The following GK variants were observed in gnomAD, a reference collection of about 807,000 sequenced individuals.
The protein encoded by GK is ATP:glycerol 3-phosphotransferase.
A neutral mutation model predicts 56.4 loss-of-function variants in GK; 9 were observed. That is an observed-to-expected ratio of 0.16 (90% CI 0.10 to 0.28). The LOEUF (loss-of-function observed/expected upper bound fraction) is 0.28, where lower values mean the gene tolerates loss of function less well. GK is among the 10% of genes least tolerant of loss of function. The pLI, the probability that GK is intolerant of heterozygous loss-of-function variation, is 1.00. For missense variants in GK, 161 were observed against 431.4 expected (o/e 0.37, Z 5.55); for synonymous variants, 104 against 144.1 (o/e 0.72, Z 1.99).
intron 4 of GK, among the ~76,000 whole-genome samples, chrX:30,685,091 A>G (rs1396395731): frequency 8.9e-6 from 1 of 111,978 alleles, no homozygotes; most frequent in Non-Finnish European, 1.9e-5. Context: ...TAAAACGCCT[A>G]AGCACACTTA....
intron 18 of GK, among the ~76,000 whole-genome samples, chrX:30,723,475 C>G (rs995274934): frequency 1.8e-5 from 2 of 111,233 alleles, no homozygotes; most frequent in Non-Finnish European, 3.8e-5. Flanking sequence ...CCTTTCCCCC[C>G]AAAAAGAAGA....
At chrX:30,719,237 A>G (rs1936775653) in intron 14 of GK, among the ~76,000 whole-genome samples, 182 bp from the exon 15 acceptor site, 1 of 111,652 alleles carries the variant, frequency 9.0e-6, no homozygotes, top group African/African-American at 3.2e-5. Flanking sequence ...GGGGTATTTA[A>G]TGTGAGAGAA....
Position 30,696,644 on chromosome X carries a change from T to A in GK, c.690T>A (p.Leu230=), listed in dbSNP as rs1188946631. Residue 230 remains leucine, a synonymous_variant, in exon 8 of 21, where the codon CTT becomes CTA. Coordinates refer to ENST00000427190, the MANE Select transcript of GK (RefSeq NM_001205019.2). Reference sequence around the variant, plus strand: ...TTTTTGGAATTCCAATGGAAATTCTTCCAAATGTCCGGAGTTCTTCTGAGA... The same window carrying A: ...TTTTTGGAATTCCAATGGAAATTCTACCAAATGTCCGGAGTTCTTCTGAGA... ...CEFFGIPMEI[L]PNVRSSSEIY... 1 of 1,201,546 alleles carries A rather than the reference T, an allele frequency of 8.3e-7. No individual in the cohort carries two copies.
chrX:30,725,449 AC>A (rs1937089866), intron 19 of GK, among the ~76,000 whole-genome samples: 1 of 111,268 alleles, frequency 9.0e-6, no homozygotes, highest in African/African-American at 3.3e-5. Flanking sequence ...ATTTTGAGAG[AC>A]CCTTTACAAC....
At chrX:30,660,875 T>G (rs1932709819) in intron 1 of GK, among the ~76,000 whole-genome samples, 1 of 102,264 alleles carries the variant, frequency 9.8e-6, no homozygotes, top group Non-Finnish European at 2.0e-5. Flanking sequence ...TGCAGTGGCG[T>G]GATCTCGGCT....
chrX:30,664,537 C>G (rs1357733848), intron 1 of GK, among the ~76,000 whole-genome samples: 2 of 108,785 alleles, frequency 1.8e-5, no homozygotes, highest in Non-Finnish European at 3.8e-5. Context: ...TTTAGTAGTG[C>G]TAAAATTGTA....
intron 1 of GK, among the ~76,000 whole-genome samples, chrX:30,656,602 C>G (rs1486218452): frequency 9.0e-6 from 1 of 111,204 alleles, no homozygotes; most frequent in African/African-American, 3.3e-5. Context: ...TCAGAATTCC[C>G]CCCCCTTCCT....
At chrX:30,715,637 G>A (rs112540674) in intron 13 of GK, among the ~76,000 whole-genome samples, 2,908 of 111,751 alleles carry the variant, frequency 0.026, 98 homozygotes, top group African/African-American at 0.09. Context: ...GGTTTTGGCT[G>A]CTATACTCTT....
At chrX:30,677,990 G>C in intron 4 of GK, 1 of 549,966 alleles carries the variant, frequency 1.8e-6, no homozygotes, top group Non-Finnish European at 3.4e-6. Flanking sequence ...CTCTCCTCTT[G>C]CAGATTGTCT....
rs1403003385 is a variant in GK, at chrX:30,677,441, A to G, written c.326A>G (p.Tyr109Cys). The G allele has an allele frequency of 1.8e-6, 2 of 1,111,717 alleles. No homozygotes were observed. The highest frequency in any genetic ancestry group is 2.5e-6 in the Non-Finnish European group (2 of 803,895). The allele number at this position is 1,111,717 out of a possible 1,213,427, so 91.6% of individuals were successfully genotyped here. The stretch of plus-strand genomic sequence containing the variant: ...GACAAGATAACTGGAGAGCCTCTCT[A>G]CAATGCTGTGGGTAAGCTGTCATGC... Reference protein sequence around the residue: ...VWDKITGEPLYNAVVWLDLRT... With the variant: ...VWDKITGEPLCNAVVWLDLRT... Residue 109 changes from tyrosine to cysteine, a missense_variant, in exon 4 of 21, where the codon TAC (tyrosine) becomes TGC (cysteine). Physicochemically the swap from Tyr to Cys is radical, Grantham distance 194 (BLOSUM62 -2). Coordinates refer to ENST00000427190, the MANE Select transcript of GK (RefSeq NM_001205019.2).
intron 5 of GK, among the ~76,000 whole-genome samples, chrX:30,691,704 C>T (rs1336122839): frequency 9.1e-6 from 1 of 109,904 alleles, no homozygotes; most frequent in Non-Finnish European, 1.9e-5. Context: ...GATCTCCTGA[C>T]CTCATGATCC....
intron 8 of GK, 25 bp downstream of exon 8, chrX:30,696,708 A>C: frequency 1.8e-6 from 2 of 1,098,556 alleles, no homozygotes; most frequent in Non-Finnish European, 2.5e-6. Context: ...AACAAACAAA[A>C]AACACACCAA....
At chrX:30,705,972 G>A (rs1569166539) in intron 11 of GK, among the ~76,000 whole-genome samples, 1 of 112,168 alleles carries the variant, frequency 8.9e-6, no homozygotes, top group Non-Finnish European at 1.9e-5. Context: ...CCTTTAAAAA[G>A]CATGAAATAG....
chrX:30,664,702 CT>C (rs35313243), intron 1 of GK, among the ~76,000 whole-genome samples: 11,870 of 57,092 alleles, frequency 0.21, 496 homozygotes, highest in East Asian at 0.25. Flanking sequence ...ACTCTATTGC[CT>C]TTTTTTTTTT....
At chrX:30,678,211 T>G (rs1053434307) in intron 4 of GK, 19 of 402,540 alleles carry the variant, frequency 4.7e-5, no homozygotes, top group East Asian at 1.6e-4. Context: ...TTTAGCTGCT[T>G]CTTCTACAAA....
chrX:30,657,510 AT>A (rs1490837079), intron 1 of GK, among the ~76,000 whole-genome samples: 1 of 112,479 alleles, frequency 8.9e-6, no homozygotes, highest in African/African-American at 3.2e-5. Context: ...TGGTAACTTA[AT>A]TTTTTCCCCA....
At chrX:30,708,628 T>A (rs1007858767) in intron 13 of GK, among the ~76,000 whole-genome samples, 1 of 111,666 alleles carries the variant, frequency 9.0e-6, no homozygotes, top group African/African-American at 3.3e-5. Context: ...CACTTATCAC[T>A]GGAAACATTT....
At chrX:30,665,644 C>T (rs1173742378) in intron 2 of GK, 60 bp downstream of exon 2, 1 of 702,553 alleles carries the variant, frequency 1.4e-6, no homozygotes, top group African/African-American at 2.1e-5. Context: ...TCTCACCCAA[C>T]TTGCCCTGTG....
chrX:30,674,060 G>A (rs1037510166), intron 3 of GK, among the ~76,000 whole-genome samples: 1 of 111,874 alleles, frequency 8.9e-6, no homozygotes, highest in African/African-American at 3.2e-5. Flanking sequence ...CATGGCAGCA[G>A]CAGTAGGTAA....
Sources: gnomAD v4.1 joint callset for allele counts (sites outside exome capture counted in the v4.1 genomes callset) on GRCh38, gnomAD v4.1.1 for gene constraint, MANE v1.5 for transcripts, NCBI Gene and HGNC (gene_info 2026-07-23, HGNC 2026-07-21) for gene names.